The following HEMK2 variants were observed in gnomAD, a reference collection of about 807,000 sequenced individuals.
The protein encoded by HEMK2 is methyltransferase HEMK2.
At chr21:28,830,624 TC>T in the HEMK2 span, among the ~76,000 whole-genome samples, 1 of 152,208 alleles carries the variant, frequency 6.6e-6, no homozygotes, top group African/African-American at 2.4e-5. Context: ...ACGCCTGTAA[TC>T]CCAGCACTTT....
At chr21:28,625,605 A>G in the HEMK2 span, among the ~76,000 whole-genome samples, 3 of 152,208 alleles carry the variant, frequency 2.0e-5, no homozygotes, top group East Asian at 5.8e-4. Flanking sequence ...CAGCTACTCC[A>G]GAGGCTGAGG....
At chr21:28,883,548 C>CTG in the HEMK2 span, among the ~76,000 whole-genome samples, 1 of 152,016 alleles carries the variant, frequency 6.6e-6, no homozygotes, top group South Asian at 2.1e-4. Context: ...ATTAAAAGGT[C>CTG]CCCCAATAAT....
the HEMK2 span, among the ~76,000 whole-genome samples, chr21:28,867,644 C>T: frequency 1.3e-5 from 2 of 152,200 alleles, no homozygotes; most frequent in Admixed American, 1.3e-4. Context: ...TTAGCATGAG[C>T]AACAGCATGT....
At chr21:28,736,625 C>T in the HEMK2 span, among the ~76,000 whole-genome samples, 1 of 152,044 alleles carries the variant, frequency 6.6e-6, no homozygotes, top group Non-Finnish European at 1.5e-5. Context: ...ATTAGCTGGG[C>T]ATGGTGGCGC....
chr21:28,674,093 G>A, the HEMK2 span, among the ~76,000 whole-genome samples: 5 of 152,092 alleles, frequency 3.3e-5, no homozygotes, highest in Admixed American at 6.5e-5. Flanking sequence ...TAAAGAAGCC[G>A]GCCAAAACCC....
At chr21:28,866,175 A>AAAAAC in the HEMK2 span, among the ~76,000 whole-genome samples, 527 of 76,192 alleles carry the variant, frequency 6.9e-3, 117 homozygotes, top group African/African-American at 0.022. Flanking sequence ...CAAAAAAAAA[A>AAAAAC]ACACACACAC....
the HEMK2 span, among the ~76,000 whole-genome samples, chr21:28,795,347 A>T: frequency 1.3e-5 from 2 of 152,308 alleles, no homozygotes; most frequent in African/African-American, 4.8e-5. Flanking sequence ...TCTCTCCCAG[A>T]ACCTTTGCTA....
the HEMK2 span, among the ~76,000 whole-genome samples, chr21:28,829,255 T>C: frequency 6.6e-6 from 1 of 152,202 alleles, no homozygotes; most frequent in African/African-American, 2.4e-5. Flanking sequence ...TAGTTGTGAG[T>C]TGCCCCTTGG....
the HEMK2 span, among the ~76,000 whole-genome samples, chr21:28,699,125 G>GT: frequency 6.6e-6 from 1 of 152,044 alleles, no homozygotes; most frequent in Admixed American, 6.5e-5. Context: ...GCCTCTAGTA[G>GT]TAATTCATGA....
chr21:28,805,911 A>C, the HEMK2 span, among the ~76,000 whole-genome samples: 1 of 152,204 alleles, frequency 6.6e-6, no homozygotes, highest in Non-Finnish European at 1.5e-5. Flanking sequence ...AGGAAAGTTG[A>C]AATTGAGATT....
At chr21:28,865,049 C>T in the HEMK2 span, among the ~76,000 whole-genome samples, 4 of 152,124 alleles carry the variant, frequency 2.6e-5, no homozygotes, top group Admixed American at 2.6e-4. Context: ...CAGTTCAGGC[C>T]ACTACCATCT....
the HEMK2 span, chr21:28,875,478 A>G: frequency 6.8e-6 from 1 of 148,130 alleles, no homozygotes; most frequent in African/African-American, 2.5e-5. Context: ...CAGCATCCCT[A>G]TCTGCCACTG....
At chr21:28,622,296 A>G in the HEMK2 span, among the ~76,000 whole-genome samples, 142 of 152,348 alleles carry the variant, frequency 9.3e-4, 3 homozygotes, top group Admixed American at 8.4e-3. Flanking sequence ...CTCTTCAAGG[A>G]GAACTACAAA....
At chr21:28,858,668 T>C in the HEMK2 span, among the ~76,000 whole-genome samples, 708 of 152,250 alleles carry the variant, frequency 4.7e-3, 6 homozygotes, top group African/African-American at 0.016. Flanking sequence ...CTCACCACTG[T>C]GGCCTTGTTG....
the HEMK2 span, among the ~76,000 whole-genome samples, chr21:28,741,924 T>A: frequency 6.6e-6 from 1 of 152,218 alleles, no homozygotes; most frequent in Non-Finnish European, 1.5e-5. Flanking sequence ...ATATACCTAG[T>A]AATGGGATTG....
chr21:28,794,088 T>C, the HEMK2 span, among the ~76,000 whole-genome samples: 1 of 152,188 alleles, frequency 6.6e-6, no homozygotes, highest in South Asian at 2.1e-4. Context: ...TTCTTTTCAG[T>C]ACACTCCTTC....
chr21:28,646,108 T>C, the HEMK2 span, among the ~76,000 whole-genome samples: 1 of 152,180 alleles, frequency 6.6e-6, no homozygotes, highest in Non-Finnish European at 1.5e-5. Flanking sequence ...CTTGATGAAA[T>C]ATCTGTGTCT....
the HEMK2 span, among the ~76,000 whole-genome samples, chr21:28,775,094 T>C: frequency 1.3e-5 from 2 of 152,246 alleles, no homozygotes; most frequent in African/African-American, 2.4e-5. Flanking sequence ...TTTCATTTAA[T>C]ATTTTGCATA....
the HEMK2 span, chr21:28,883,193 T>C: frequency 3.9e-6 from 2 of 519,198 alleles, no homozygotes; most frequent in South Asian, 1.0e-4. Flanking sequence ...CCTGCAAATA[T>C]ATGAAAATAG....
Sources: gnomAD v4.1 joint callset for allele counts (sites outside exome capture counted in the v4.1 genomes callset) on GRCh38, gnomAD v4.1.1 for gene constraint, MANE v1.5 for transcripts, NCBI Gene and HGNC (gene_info 2026-07-23, HGNC 2026-07-21) for gene names.